The following TRPM3 variants were observed in gnomAD, a reference collection of about 807,000 sequenced individuals.
The protein encoded by TRPM3 is transient receptor potential cation channel subfamily M member 3, also known as long transient receptor potential channel 3.
Under a neutral mutation model 181.2 loss-of-function variants are expected in TRPM3, and 77 were observed. The ratio of observed to expected loss-of-function variants is 0.42; its 90% CI spans 0.35 to 0.51. The LOEUF is 0.51. Among genes scored for constraint, TRPM3 ranks in the 20% least tolerant of loss-of-function variants. The pLI is 0.01. For synonymous variants in TRPM3, 745 were observed against 796.4 expected (o/e 0.94, Z 1.09); for missense variants, 1,759 against 2,196.7 (o/e 0.80, Z 3.98).
At chr9:71,007,820 TA>T (rs1250849436) in intron 1 of TRPM3, among the ~76,000 whole-genome samples, 3 of 151,850 alleles carry the variant, frequency 2.0e-5, no homozygotes, top group Non-Finnish European at 4.4e-5. Context: ...TGCCTATATC[TA>T]AAAAATAGGG....
Position 71,346,235 on chromosome 9 carries a change from C to A in TRPM3, c.183+100418G>T, listed in dbSNP as rs192523022. On this transcript the variant is annotated intron_variant, in intron 1 of 24. Transcript: ENST00000357533. The stretch of plus-strand genomic sequence containing the variant: ...ATTGATGCATAAAACAAGGATGAAT[C>A]GTTAAAGTATCCAACTGTACACTTA... Among the ~76,000 whole-genome samples the A allele has an allele frequency of 1.2e-3, 178 of 152,208 alleles. 2 individuals are homozygous for A. Among genetic ancestry groups the A allele is most frequent in the Middle Eastern group, 3.4e-3 (1 of 294 alleles).
At position 70,530,631 on chromosome 9, in the gene TRPM3, G is replaced by T. The variant is rs556346838; in HGVS notation, c.*5322C>A. On this transcript the variant is annotated 3_prime_UTR_variant, in exon 26 of 26. Coordinates refer to ENST00000677713, the MANE Select transcript of TRPM3 (RefSeq NM_001366145.2). ...GATGACCTGTAGAAACAGTCACGTT[G>T]CTTTCATTAGCAGTGATGAGTGCAA... 6.6e-6 allele frequency: 1 copy of T among 152,308 alleles called. No homozygotes were observed. The highest frequency in any genetic ancestry group is 2.4e-5 in the African/African-American group (1 of 41,564). The allele number at this position is 152,308 out of a possible 1,614,324, so 9.4% of individuals were successfully genotyped here.
chr9:70,535,558 C>A lies in TRPM3; in HGVS notation c.*395G>T. ...ATTTTATTTTATTTTGCAATTTAGC[C>A]CTGCATCCTACAACTCTTGATAATG... is the stretch of plus-strand genomic sequence containing the variant. On this transcript the variant is annotated 3_prime_UTR_variant, in exon 26 of 26. Coordinates refer to ENST00000677713, the MANE Select transcript of TRPM3 (RefSeq NM_001366145.2). 1 of 1,536,686 alleles carries A rather than the reference C, an allele frequency of 6.5e-7. No individual in the cohort carries two copies. The highest frequency in any genetic ancestry group is 2.0e-5 in the Admixed American group (1 of 50,244).
intron 1 of TRPM3, among the ~76,000 whole-genome samples, chr9:71,433,222 C>A (rs1370274630): frequency 1.3e-5 from 2 of 152,130 alleles, no homozygotes; most frequent in Non-Finnish European, 2.9e-5. Context: ...CCACCCAAAT[C>A]CCATCTTGAA....
intron 1 of TRPM3, among the ~76,000 whole-genome samples, chr9:70,931,985 T>G (rs2096779650): frequency 6.6e-6 from 1 of 152,174 alleles, no homozygotes; most frequent in African/African-American, 2.4e-5. Context: ...GTACTAACAT[T>G]CTTGGAAGGT....
At chr9:71,140,203 T>C (rs144185993) in intron 1 of TRPM3, among the ~76,000 whole-genome samples, 3 of 152,312 alleles carry the variant, frequency 2.0e-5, no homozygotes, top group East Asian at 1.9e-4. Flanking sequence ...GAAACTAATA[T>C]GTTTTCTGTT....
intron 7 of TRPM3, among the ~76,000 whole-genome samples, chr9:70,776,929 C>A (rs996328718): frequency 6.6e-6 from 1 of 152,168 alleles, no homozygotes; most frequent in Non-Finnish European, 1.5e-5. Context: ...CCCCACCCCA[C>A]GTGCATCAAA....
chr9:70,674,889 TTATC>T (rs1363541269), intron 9 of TRPM3, among the ~76,000 whole-genome samples: 2 of 151,736 alleles, frequency 1.3e-5, no homozygotes, highest in Non-Finnish European at 2.9e-5. Context: ...TTTAAAAAAT[TTATC>T]TACCTTTAAG....
intron 1 of TRPM3, among the ~76,000 whole-genome samples, chr9:71,045,127 C>T (rs1277503935): frequency 1.3e-5 from 2 of 151,686 alleles, no homozygotes. Context: ...GATGGAGTCT[C>T]GCTCTGTCAC....
chr9:71,041,160 T>A (rs1027847234), intron 1 of TRPM3, among the ~76,000 whole-genome samples: 1 of 152,132 alleles, frequency 6.6e-6, no homozygotes, highest in Non-Finnish European at 1.5e-5. Context: ...AGAGGTATAC[T>A]ATGTCTGAAA....
In TRPM3 at chr9:70,737,790, A is replaced by G. The variant is rs1198627830; in HGVS notation, c.1272+23811T>C. On this transcript the variant is annotated intron_variant, in intron 8 of 25. Coordinates refer to ENST00000677713, the MANE Select transcript of TRPM3 (RefSeq NM_001366145.2). ...AAAATTCAAAGAGGGACATTAAATAACGTTAAAAGGACTAGTCCAATAGGA... is the reference window on the plus strand; with the variant it reads ...AAAATTCAAAGAGGGACATTAAATAGCGTTAAAAGGACTAGTCCAATAGGA... Among the ~76,000 whole-genome samples the G allele has an allele frequency of 2.0e-5, 3 of 152,206 alleles. No individual in the cohort carries two copies. In the East Asian group the frequency reaches 5.8e-4, roughly 29 times the overall value.
At chr9:71,168,515 T>C (rs577461595) in intron 1 of TRPM3, among the ~76,000 whole-genome samples, 1 of 141,992 alleles carries the variant, frequency 7.0e-6, no homozygotes, top group Admixed American at 6.9e-5. Flanking sequence ...TTTTTCTTTT[T>C]TTTTTTTTTT....
chr9:71,078,530 C>T (rs928337373), intron 1 of TRPM3, among the ~76,000 whole-genome samples: 3 of 151,884 alleles, frequency 2.0e-5, no homozygotes, highest in African/African-American at 7.3e-5. Flanking sequence ...TTTGTCATGG[C>T]CTGTATTACT....
intron 1 of TRPM3, among the ~76,000 whole-genome samples, chr9:71,026,269 T>C (rs1330903118): frequency 6.6e-6 from 1 of 152,176 alleles, no homozygotes; most frequent in Non-Finnish European, 1.5e-5. Context: ...AGGTCTGACC[T>C]GAGCGCCCCT....
At chr9:70,833,237 G>A (rs1048771944) in intron 5 of TRPM3, among the ~76,000 whole-genome samples, 2 of 152,138 alleles carry the variant, frequency 1.3e-5, no homozygotes, top group Non-Finnish European at 2.9e-5. Context: ...TCTGCAATGC[G>A]AGGGCAGTTT....
chr9:71,328,317 C>T (rs2089857919), intron 1 of TRPM3, among the ~76,000 whole-genome samples: 1 of 152,150 alleles, frequency 6.6e-6, no homozygotes, highest in African/African-American at 2.4e-5. Flanking sequence ...GCGCCTGCCA[C>T]CACGCCCGGC....
chr9:70,762,136 G>A (rs2078257709), intron 7 of TRPM3, among the ~76,000 whole-genome samples: 1 of 152,068 alleles, frequency 6.6e-6, no homozygotes, highest in Admixed American at 6.6e-5. Context: ...TTAAATTGCA[G>A]CGTCATGTCT....
At chr9:70,999,871 G>A (rs1003999883) in intron 1 of TRPM3, among the ~76,000 whole-genome samples, 1 of 152,330 alleles carries the variant, frequency 6.6e-6, no homozygotes, top group South Asian at 2.1e-4. Flanking sequence ...ACAATCCACA[G>A]TGTGTTTAGC....
At chr9:70,772,866 T>C (rs928797519) in intron 7 of TRPM3, among the ~76,000 whole-genome samples, 6 of 152,152 alleles carry the variant, frequency 3.9e-5, no homozygotes, top group Non-Finnish European at 7.4e-5. Flanking sequence ...GCTGCCAACA[T>C]TGGAAGGAAA....
Sources: gnomAD v4.1 joint callset for allele counts (sites outside exome capture counted in the v4.1 genomes callset) on GRCh38, gnomAD v4.1.1 for gene constraint, MANE v1.5 for transcripts, NCBI Gene and HGNC (gene_info 2026-07-23, HGNC 2026-07-21) for gene names.